The following UTP20 variants were observed in gnomAD, a reference collection of about 807,000 sequenced individuals.
UTP20 encodes the protein small subunit processome component 20 homolog.
In UTP20, 164 loss-of-function variants were observed where a neutral mutation model predicts 329.5. The ratio of observed to expected loss-of-function variants is 0.50; its 90% confidence interval spans 0.44 to 0.57. The LOEUF (loss-of-function observed/expected upper bound fraction) is 0.57, where lower values mean the gene tolerates loss of function less well. UTP20 is among the 20% of genes least tolerant of loss of function. UTP20 has a pLI of 0.00. For synonymous variants in UTP20, 1,151 were observed against 1,159.3 expected, an observed-to-expected ratio of 0.99 and a Z score of 0.14; for missense variants, 3,055 against 3,284.2, an observed-to-expected ratio of 0.93 and a Z score of 1.71.
At chr12:101,291,142 G>T (rs58727075) in intron 8 of UTP20, 1 of 323,392 alleles carries the variant, frequency 3.1e-6, no homozygotes, top group Non-Finnish European at 5.5e-6. Context: ...CTTACTGCTA[G>T]TGTAACCTGG....
intron 47 of UTP20, among the ~76,000 whole-genome samples, chr12:101,367,050 C>T (rs113975733): frequency 0.034 from 5,115 of 151,982 alleles, 323 homozygotes; most frequent in African/African-American, 0.12. Context: ...GAGGCTAAGG[C>T]AGGAGGATCA....
At chr12:101,381,542 AAAG>A (rs756608144) in intron 58 of UTP20, among the ~76,000 whole-genome samples, 67 of 152,310 alleles carry the variant, frequency 4.4e-4, no homozygotes, top group Non-Finnish European at 8.1e-4. Context: ...TCTCAGAAAT[AAAG>A]AAGGGGCCTA....
chr12:101,340,645 G>A, intron 32 of UTP20, 35 bp downstream of exon 32: 1 of 1,401,676 alleles, frequency 7.1e-7, no homozygotes, highest in Non-Finnish European at 1.0e-6. Context: ...TTTGTCTCTA[G>A]AGTGGCACTT....
At chr12:101,380,464 G>A (rs1870608585) in intron 57 of UTP20, among the ~76,000 whole-genome samples, 1 of 152,148 alleles carries the variant, frequency 6.6e-6, no homozygotes, top group African/African-American at 2.4e-5. Flanking sequence ...CTAGCACAAT[G>A]TCTCACTCAT....
At chr12:101,362,542 A>C in intron 44 of UTP20, among the ~76,000 whole-genome samples, 1 of 102,172 alleles carries the variant, frequency 9.8e-6, no homozygotes, top group South Asian at 3.1e-4. Flanking sequence ...CGTCTCTAAG[A>C]AAAATACAAA....
At chr12:101,327,415 T>C (rs1344543246) in intron 26 of UTP20, among the ~76,000 whole-genome samples, 168 bp downstream of exon 26, 1 of 152,198 alleles carries the variant, frequency 6.6e-6, no homozygotes, top group Non-Finnish European at 1.5e-5. Context: ...TTCAATTAAA[T>C]TGCGTGAAAC....
chr12:101,346,356 T>G, intron 37 of UTP20, 95 bp from the exon 38 acceptor site: 4 of 1,432,030 alleles, frequency 2.8e-6, no homozygotes, highest in Non-Finnish European at 3.7e-6. Flanking sequence ...GGCCACTCCT[T>G]TAATCTTTTT....
chr12:101,299,827 C>T lies in UTP20; in HGVS notation c.1576C>T (p.Pro526Ser). The T allele has an allele frequency of 1.2e-6, 2 of 1,604,962 alleles. No individual in the cohort carries two copies. Among genetic ancestry groups the T allele is most frequent in the Non-Finnish European group, 1.7e-6 (2 of 1,177,540 alleles). Residue 526 changes from proline to serine, a missense_variant, in exon 13 of 62, where the codon CCT becomes TCT. Coordinates refer to ENST00000261637, the MANE Select transcript of UTP20 (RefSeq NM_014503.3). ...SQSWAALVVL[P>S]HIRPLEKEKV... ...ATCTTGGGCAGCCCTCGTGGTGTTA[C>T]CTCATATTAGGTAAGAAAATAAGCT... is the stretch of plus-strand genomic sequence containing the variant.
rs182830479 is a variant in UTP20, at chr12:101,299,370, A to T, written c.1431-312A>T. ...AAGGGAGAATGGAGGAAGTCAGTTC[A>T]TTCCAGTGAATTGTCAATCAAAAAC... On this transcript the variant is annotated intron_variant, in intron 12 of 61. Transcript: ENST00000261637. Among the ~76,000 whole-genome samples, 258 of 152,346 alleles carry T rather than the reference A, an allele frequency of 1.7e-3. 1 individual carries two copies. Among genetic ancestry groups the T allele is most frequent in the African/African-American group, 6.0e-3 (248 of 41,584 alleles).
At chr12:101,351,813 T>G (rs1372968972) in intron 38 of UTP20, among the ~76,000 whole-genome samples, 2 of 152,196 alleles carry the variant, frequency 1.3e-5, no homozygotes, top group Non-Finnish European at 2.9e-5. Flanking sequence ...GTCTTGAACC[T>G]ATCAGGGAGG....
rs768524022 is a variant in UTP20, at chr12:101,383,237, C to T, written c.7853C>T (p.Thr2618Met). ...EVKEELGRPA[T>M]LLWLIQKLSR... is the part of the protein sequence containing the mutation. Reference sequence around the variant, plus strand: ...AAGGAAGAGCTCGGCAGGCCGGCCACGCTGCTGTGGTTGATCCAGAAGCTG... The same window carrying T: ...AAGGAAGAGCTCGGCAGGCCGGCCATGCTGCTGTGGTTGATCCAGAAGCTG... Residue 2618 changes from threonine (T) to methionine (M), a missense_variant, in exon 59 of 62, where the codon ACG (threonine) becomes ATG (methionine). Around this residue, in one of 3 missense-constraint regions of UTP20, gnomAD observed 337 missense variants for 345.5 expected, o/e 0.98. Coordinates refer to ENST00000261637, the MANE Select transcript of UTP20 (RefSeq NM_014503.3). 6 of 1,614,156 alleles carry T rather than the reference C, an allele frequency of 3.7e-6. No individual in the cohort carries two copies. Among genetic ancestry groups the T allele is most frequent in the Non-Finnish European group, 3.4e-6 (4 of 1,180,030 alleles).
At chr12:101,365,657 G>A (rs1446255261) in intron 46 of UTP20, 32 bp downstream of exon 46, 2 of 1,519,992 alleles carry the variant, frequency 1.3e-6, no homozygotes, top group Non-Finnish European at 1.8e-6. Flanking sequence ...CTGTCATTTA[G>A]GTCTCTGCGT....
chr12:101,285,662 A>T, intron 3 of UTP20, 26 bp downstream of exon 3: 1 of 1,613,702 alleles, frequency 6.2e-7, no homozygotes. Context: ...TTTCTATTTT[A>T]TTCACCCATA....
At chr12:101,280,990 G>A (rs935016921) in intron 1 of UTP20, 126 bp from the exon 2 acceptor site, 1 of 742,800 alleles carries the variant, frequency 1.3e-6, no homozygotes, top group Non-Finnish European at 2.1e-6. Context: ...ACGGCCGTAT[G>A]TTTTTCAGTT....
chr12:101,286,151 ATTTCT>A (rs1871954232), intron 4 of UTP20, among the ~76,000 whole-genome samples, 165 bp from the exon 5 acceptor site: 1 of 152,160 alleles, frequency 6.6e-6, no homozygotes, highest in South Asian at 2.1e-4. Flanking sequence ...TTCTTGCCTG[ATTTCT>A]TTGCTGAGAT....
chr12:101,294,114 C>T (rs1420517859), intron 11 of UTP20, among the ~76,000 whole-genome samples: 1 of 151,924 alleles, frequency 6.6e-6, no homozygotes, highest in Admixed American at 6.6e-5. Context: ...CGGCTCACTG[C>T]AACCTCTGCC....
intron 43 of UTP20, among the ~76,000 whole-genome samples, chr12:101,357,818 C>G (rs1040258236): frequency 1.3e-5 from 2 of 152,094 alleles, no homozygotes; most frequent in Non-Finnish European, 2.9e-5. Context: ...GGTATCTAGC[C>G]CCTCGCTGCT....
In UTP20 at chr12:101,379,489, C is replaced by T. The variant is rs758113049; in HGVS notation, c.7515C>T (p.Thr2505=). ...QPEELIQKWN[T]KKTKKHLPEP... is the part of the protein sequence containing the mutation. The stretch of plus-strand genomic sequence containing the variant: ...AGGAGCTTATTCAAAAATGGAATAC[C>T]AAAAAGACCAAAAAACACCTCCCAG... Residue 2505 remains threonine, a synonymous_variant, in exon 57 of 62, where the codon ACC becomes ACT. Transcript: ENST00000261637. 2 of 1,613,972 alleles carry T rather than the reference C, an allele frequency of 1.2e-6. No homozygotes were observed. Among genetic ancestry groups the T allele is most frequent in the Admixed American group, 1.7e-5 (1 of 59,994 alleles).
intron 20 of UTP20, 68 bp from the exon 21 acceptor site, chr12:101,311,968 T>C: frequency 6.2e-7 from 1 of 1,601,508 alleles, no homozygotes; most frequent in Non-Finnish European, 8.5e-7. Context: ...AAATGCCCTC[T>C]CTTGAGAAAA....
Sources: gnomAD v4.1 joint callset for allele counts (sites outside exome capture counted in the v4.1 genomes callset) on GRCh38, gnomAD v4.1.1 for gene constraint, gnomAD v4.1.1 regional missense constraint, MANE v1.5 for transcripts, NCBI Gene and HGNC (gene_info 2026-07-23, HGNC 2026-07-21) for gene names.